Variants in PRKCA observed in about 807,000 individuals in gnomAD.
The protein encoded by PRKCA is protein kinase C alpha.
Under a neutral mutation model 87.0 loss-of-function variants are expected in PRKCA, and 27 were observed. That is an observed-to-expected ratio of 0.31 (90% confidence interval 0.23 to 0.43). The LOEUF (loss-of-function observed/expected upper bound fraction) is 0.43, where lower values mean the gene tolerates loss of function less well. Among genes scored for constraint, PRKCA ranks in the 20% least tolerant of loss-of-function variants. The pLI is 1.00. For missense variants in PRKCA, 518 were observed against 852.3 expected (o/e 0.61, Z 4.88); for synonymous variants, 329 against 311.1 (o/e 1.06, Z -0.61).
intron 3 of PRKCA, among the ~76,000 whole-genome samples, chr17:66,530,856 T>TA (rs35908043): frequency 6.7e-5 from 10 of 149,868 alleles, no homozygotes; most frequent in South Asian, 2.1e-4. Flanking sequence ...GTGGAGGATC[T>TA]AAAAAAAAAA....
intron 2 of PRKCA, among the ~76,000 whole-genome samples, chr17:66,481,561 G>A (rs572007485): frequency 6.6e-6 from 1 of 152,228 alleles, no homozygotes; most frequent in Non-Finnish European, 1.5e-5. Context: ...TCCTAGGCCT[G>A]TCTCTGAGGT....
At chr17:66,607,163 G>A (rs1047980299) in intron 3 of PRKCA, among the ~76,000 whole-genome samples, 3 of 152,072 alleles carry the variant, frequency 2.0e-5, no homozygotes, top group Non-Finnish European at 4.4e-5. Flanking sequence ...AAAAGATGCC[G>A]GCTCTCTTGG....
Position 66,742,778 on chromosome 17 carries a change from C to T in PRKCA, c.1524+18C>T, listed in dbSNP as rs770194173. ...CCCCAGAGGTAGGAACCCCAGTGAT[C>T]GTTTTCTCAACCAGGACTCCCAAAC... is the stretch of plus-strand genomic sequence containing the variant. On this transcript the variant is annotated intron_variant, in intron 13 of 16. Transcript: ENST00000413366. 14 of 1,610,832 alleles carry T rather than the reference C, an allele frequency of 8.7e-6. No individual in the cohort carries two copies. The highest frequency in any genetic ancestry group is 1.7e-4 in the Middle Eastern group (1 of 6,060).
At chr17:66,587,895 G>GTGTGTATATA (rs1485055138) in intron 3 of PRKCA, among the ~76,000 whole-genome samples, 2 of 85,416 alleles carry the variant, frequency 2.3e-5, no homozygotes, top group South Asian at 4.4e-4. Flanking sequence ...GTGTGTGTGT[G>GTGTGTATATA]TATATATATA....
At chr17:66,534,438 T>G (rs975852685) in intron 3 of PRKCA, among the ~76,000 whole-genome samples, 1 of 151,988 alleles carries the variant, frequency 6.6e-6, no homozygotes, top group Non-Finnish European at 1.5e-5. Context: ...GAGGCCGAGG[T>G]GGGCGGATCA....
At chr17:66,352,731 T>G (rs1225981527) in intron 2 of PRKCA, among the ~76,000 whole-genome samples, 1 of 151,794 alleles carries the variant, frequency 6.6e-6, no homozygotes, top group Admixed American at 6.6e-5. Flanking sequence ...ACTCAGCTAA[T>G]TTTTGTATTT....
At chr17:66,730,538 C>T (rs1164535124) in intron 8 of PRKCA, among the ~76,000 whole-genome samples, 2 of 152,146 alleles carry the variant, frequency 1.3e-5, no homozygotes, top group Non-Finnish European at 1.5e-5. Context: ...TCCCCTTTCA[C>T]ACCATGTAGG....
chr17:66,653,791 T>TA lies in PRKCA; in HGVS notation c.529+8298dup, dbSNP rs550316151. Among the ~76,000 whole-genome samples, 773 of 102,426 alleles carry TA rather than the reference T, an allele frequency of 7.5e-3. 7 individuals are homozygous for TA. The highest frequency in any genetic ancestry group is 0.014 in the African/African-American group (400 of 29,116). 67.2% of individuals were successfully genotyped at this position (102,426 alleles called of 152,430 possible). ...CTATTTCCTGCAAGTTTCCAGCTCT[T>TA]AAAAAAAAAAAAAAAAAACAAAACC... is the stretch of plus-strand genomic sequence containing the variant. On this transcript the variant is annotated intron_variant, in intron 5 of 16. Transcript: ENST00000413366.
intron 3 of PRKCA, among the ~76,000 whole-genome samples, chr17:66,499,733 AC>A (rs1916644778): frequency 6.6e-6 from 1 of 152,188 alleles, no homozygotes; most frequent in South Asian, 2.1e-4. Context: ...GCTGAGTCTT[AC>A]ACTTAAAATA....
At chr17:66,542,681 G>A (rs938991808) in intron 3 of PRKCA, among the ~76,000 whole-genome samples, 1 of 152,102 alleles carries the variant, frequency 6.6e-6, no homozygotes, top group Non-Finnish European at 1.5e-5. Context: ...AGGATATGAA[G>A]GTTGGAAAGA....
chr17:66,327,690 A>G (rs80181303), intron 2 of PRKCA, among the ~76,000 whole-genome samples: 2,269 of 152,104 alleles, frequency 0.015, 59 homozygotes, highest in African/African-American at 0.052. Context: ...TCTCATCTCT[A>G]TTTCTCATCT....
intron 3 of PRKCA, among the ~76,000 whole-genome samples, chr17:66,621,550 C>A (rs1222585049): frequency 6.6e-6 from 1 of 152,130 alleles, no homozygotes; most frequent in South Asian, 2.1e-4. Flanking sequence ...ATCTTCATAT[C>A]TTCATTAGAA....
At chr17:66,389,079 A>T (rs1470149863) in intron 2 of PRKCA, among the ~76,000 whole-genome samples, 1 of 152,166 alleles carries the variant, frequency 6.6e-6, no homozygotes, top group Non-Finnish European at 1.5e-5. Flanking sequence ...AGCATCATGT[A>T]TATGCCTTTC....
intron 8 of PRKCA, among the ~76,000 whole-genome samples, chr17:66,710,165 G>T (rs941191475): frequency 1.3e-5 from 2 of 152,018 alleles, no homozygotes; most frequent in African/African-American, 4.8e-5. Context: ...AAACAAGGAA[G>T]AGTTACTTCC....
chr17:66,356,763 T>A (rs1043359430), intron 2 of PRKCA, among the ~76,000 whole-genome samples: 2 of 152,202 alleles, frequency 1.3e-5, no homozygotes, highest in Non-Finnish European at 2.9e-5. Context: ...AATATTTTTT[T>A]AAAAAATAGG....
intron 2 of PRKCA, among the ~76,000 whole-genome samples, chr17:66,378,635 C>G (rs1167961769): frequency 6.6e-6 from 1 of 151,964 alleles, no homozygotes; most frequent in Non-Finnish European, 1.5e-5. Context: ...CGTAAAGTCT[C>G]ACGCCTGTAA....
chr17:66,491,902 T>G (rs1292699218), intron 2 of PRKCA, among the ~76,000 whole-genome samples: 1 of 152,248 alleles, frequency 6.6e-6, no homozygotes, highest in East Asian at 1.9e-4. Flanking sequence ...CCCAGGCACA[T>G]GCTGCATGCA....
intron 2 of PRKCA, among the ~76,000 whole-genome samples, chr17:66,435,078 A>C (rs1913302994): frequency 6.6e-6 from 1 of 152,196 alleles, no homozygotes; most frequent in African/African-American, 2.4e-5. Flanking sequence ...TTGATGTATG[A>C]ATGAAATAAA....
rs553979030 is a variant in PRKCA at position 66,436,155 on chromosome 17, C to T, written c.206-60046C>T. On this transcript the variant is annotated intron_variant, in intron 2 of 16. Transcript: ENST00000413366. ...AGAAAAAGAGTGAAGAAAAATAATT[C>T]CAAGTCTTCAGTGCTTGAGAATCAA... is the stretch of plus-strand genomic sequence containing the variant. 6.6e-4 allele frequency among the ~76,000 whole-genome samples: 101 copies of T among 152,188 alleles called. No individual in the cohort carries two copies. In the South Asian group the frequency reaches 0.017, roughly 26 times the overall value.
Sources: allele counts gnomAD v4.1 joint callset (sites outside exome capture counted in the v4.1 genomes callset), GRCh38; gene constraint gnomAD v4.1.1; transcripts MANE v1.5; gene names NCBI Gene and HGNC (gene_info 2026-07-23, HGNC 2026-07-21).